The following SUSD6 variants were observed in gnomAD, a reference collection of about 807,000 sequenced individuals.
The protein encoded by SUSD6 is sushi domain containing 6.
In SUSD6, 16 loss-of-function variants were observed where a neutral mutation model predicts 28.4. The ratio of observed to expected loss-of-function variants is 0.56; its 90% confidence interval spans 0.38 to 0.86. The LOEUF (loss-of-function observed/expected upper bound fraction) is 0.86, where lower values mean the gene tolerates loss of function less well. Among genes scored for constraint, SUSD6 ranks in the 40% least tolerant of loss-of-function variants. The pLI is 0.00. For synonymous variants in SUSD6, 147 were observed against 159.6 expected (o/e 0.92, Z 0.59); for missense variants, 341 against 384.2 (o/e 0.89, Z 0.94).
rs57290539 is a variant in SUSD6 at position 69,677,546 on chromosome 14, CAAA to C, written c.121+18848_121+18850del. Among the ~76,000 whole-genome samples the C allele has an allele frequency of 6.2e-3, 713 of 114,456 alleles. 4 individuals carry two copies. The highest frequency in any genetic ancestry group is 0.02 in the African/African-American group (584 of 29,846). 75.1% of individuals were successfully genotyped at this position (114,456 alleles called of 152,430 possible). ...TGGGCCACAGAGTGAGACTCCGTCT[CAAA>C]AAAAAAAAAAAAAAGAAAAGTGTTT... On this transcript the variant is annotated intron_variant, in intron 2 of 5. Transcript: ENST00000342745.
At chr14:69,690,907 G>A (rs779150288) in intron 2 of SUSD6, among the ~76,000 whole-genome samples, 10 of 152,084 alleles carry the variant, frequency 6.6e-5, no homozygotes, top group Non-Finnish European at 1.2e-4. Context: ...TTCTCCCCCC[G>A]CACCAAAAAA....
chr14:69,685,337 A>G (rs1566603457), intron 2 of SUSD6, among the ~76,000 whole-genome samples: 1 of 152,226 alleles, frequency 6.6e-6, no homozygotes. Flanking sequence ...CCATTGTGCT[A>G]CTAATATTAT....
chr14:69,650,099 T>C (rs1471776799), intron 1 of SUSD6, among the ~76,000 whole-genome samples: 4 of 152,202 alleles, frequency 2.6e-5, no homozygotes, highest in Non-Finnish European at 5.9e-5. Context: ...TGGGAAAGAA[T>C]GTGGGAGGCT....
intron 4 of SUSD6, 106 bp from the exon 5 acceptor site, chr14:69,708,571 C>T: frequency 6.5e-6 from 6 of 921,010 alleles, no homozygotes; most frequent in Non-Finnish European, 9.8e-6. Flanking sequence ...TTGCCTGGCA[C>T]ATAGTAAGTG....
chr14:69,683,065 AGAGCTCTG>A (rs1013906033), intron 2 of SUSD6, among the ~76,000 whole-genome samples: 2 of 150,410 alleles, frequency 1.3e-5, no homozygotes, highest in African/African-American at 4.9e-5. Context: ...GTGCCCTTGA[AGAGCTCTG>A]GAGCCTGAAG....
chr14:69,713,285 C>T lies in SUSD6; in HGVS notation c.*2306C>T, dbSNP rs1020389117. On this transcript the variant is annotated 3_prime_UTR_variant, in exon 6 of 6. Coordinates refer to ENST00000342745, the MANE Select transcript of SUSD6 (RefSeq NM_014734.4). ...CTCTTTCCGCCCTGCCCTCCACTAA[C>T]AACACTGAGGAGCACAAGCCCAGGC... The T allele has an allele frequency of 6.6e-6, 1 of 152,264 alleles. No individual in the cohort carries two copies. The highest frequency in any genetic ancestry group is 2.4e-5 in the African/African-American group (1 of 41,442). 9.4% of individuals were successfully genotyped at this position (152,264 alleles called of 1,614,324 possible).
intron 2 of SUSD6, among the ~76,000 whole-genome samples, chr14:69,695,288 C>T (rs534956868): frequency 4.0e-4 from 61 of 152,240 alleles, no homozygotes; most frequent in African/African-American, 1.3e-3. Context: ...GCCTGTTTTC[C>T]GGCTCTCACC....
chr14:69,670,644 G>A lies in SUSD6; in HGVS notation c.121+11931G>A, dbSNP rs142174964. ...TTTAAGCAAGTTTCTCGAACTCTAC[G>A]TCCCTCAGTTCTTCATATCTGTAAA... On this transcript the variant is annotated intron_variant, in intron 2 of 5. Transcript: ENST00000342745. 1.3e-3 allele frequency: 537 copies of A among 418,316 alleles called. 5 individuals carry two copies. The highest frequency in any genetic ancestry group is 8.7e-3 in the East Asian group (120 of 13,774). The allele number at this position is 418,316 out of a possible 1,614,324, so 25.9% of individuals were successfully genotyped here. A position where few individuals can be genotyped will look rare whatever the true frequency, so the allele number is the denominator to read the frequency against.
chr14:69,632,795 C>T (rs544759602), intron 1 of SUSD6, among the ~76,000 whole-genome samples: 2 of 152,198 alleles, frequency 1.3e-5, no homozygotes, highest in South Asian at 2.1e-4. Context: ...ATAATGACAC[C>T]GTCTGGAAAT....
chr14:69,628,346 G>A (rs928991554), intron 1 of SUSD6, among the ~76,000 whole-genome samples: 1 of 152,214 alleles, frequency 6.6e-6, no homozygotes, highest in Admixed American at 6.5e-5. Flanking sequence ...CATAGAATTT[G>A]AAGGTTGCTG....
rs1275817 is a variant in SUSD6, at chr14:69,714,061, C to G, written c.*3082C>G. ...TTTCACTGGGTATGAACTGTGAAAT[C>G]GACTGAATCCTGGCCACTTTATGAG... On this transcript the variant is annotated 3_prime_UTR_variant, in exon 6 of 6. Coordinates refer to ENST00000342745, the MANE Select transcript of SUSD6 (RefSeq NM_014734.4). 139,188 of 152,174 alleles carry G rather than the reference C, an allele frequency of 0.91. 63,853 individuals are homozygous for G. The highest frequency in any genetic ancestry group is 0.98 in the African/African-American group (40,812 of 41,548). 9.4% of individuals were successfully genotyped at this position (152,174 alleles called of 1,614,324 possible).
intron 1 of SUSD6, among the ~76,000 whole-genome samples, chr14:69,625,119 TTCTG>T (rs1885096153): frequency 6.6e-6 from 1 of 152,194 alleles, no homozygotes; most frequent in African/African-American, 2.4e-5. Context: ...GTGTTAAATG[TTCTG>T]TCTGACTGTG....
chr14:69,658,823 G>A (rs1347144922), intron 2 of SUSD6, 110 bp downstream of exon 2: 6 of 1,421,364 alleles, frequency 4.2e-6, no homozygotes, highest in South Asian at 1.2e-5. Context: ...TTCAGGGAGA[G>A]CAGAGGGTGG....
chr14:69,640,501 ATTTTCT>A (rs1200010325), intron 1 of SUSD6, among the ~76,000 whole-genome samples: 4 of 151,836 alleles, frequency 2.6e-5, no homozygotes, highest in Non-Finnish European at 5.9e-5. Context: ...CACCTGGCTG[ATTTTCT>A]TTTTATTTTT....
chr14:69,675,603 G>A (rs1885896396), intron 2 of SUSD6, among the ~76,000 whole-genome samples: 1 of 152,040 alleles, frequency 6.6e-6, no homozygotes, highest in South Asian at 2.1e-4. Flanking sequence ...TGATGTCAGA[G>A]AAATAGCAGG....
At position 69,711,119 on chromosome 14, in the gene SUSD6, G is replaced by A. The variant is rs1288904080; in HGVS notation, c.*140G>A. 41 of 752,390 alleles carry A rather than the reference G, an allele frequency of 5.4e-5. No homozygotes were observed. The highest frequency in any genetic ancestry group is 2.3e-6 in the Non-Finnish European group (1 of 442,092). 46.6% of individuals were successfully genotyped at this position (752,390 alleles called of 1,614,324 possible). ...CCTGTGTATCTGTGTATCTCTGAGG[G>A]CCCTATAGGCCCACCTTGCTGGAAA... is the stretch of plus-strand genomic sequence containing the variant. On this transcript the variant is annotated 3_prime_UTR_variant, in exon 6 of 6. Coordinates refer to ENST00000342745, the MANE Select transcript of SUSD6 (RefSeq NM_014734.4).
intron 1 of SUSD6, among the ~76,000 whole-genome samples, chr14:69,654,339 G>A (rs1885547118): frequency 6.6e-6 from 1 of 152,194 alleles, no homozygotes; most frequent in African/African-American, 2.4e-5. Flanking sequence ...CACTGTCCCT[G>A]CCTTCAAGGA....
At chr14:69,644,902 G>A (rs1011315818) in intron 1 of SUSD6, among the ~76,000 whole-genome samples, 1 of 152,144 alleles carries the variant, frequency 6.6e-6, no homozygotes, top group Admixed American at 6.5e-5. Flanking sequence ...CTTGGCAGAG[G>A]GACTTTGTAC....
intron 2 of SUSD6, among the ~76,000 whole-genome samples, chr14:69,686,957 A>C (rs1232411037): frequency 2.0e-5 from 3 of 152,154 alleles, no homozygotes; most frequent in Non-Finnish European, 4.4e-5. Flanking sequence ...TTCTATTTAG[A>C]TACATTTAGC....
Sources: allele counts gnomAD v4.1 joint callset (sites outside exome capture counted in the v4.1 genomes callset), GRCh38; gene constraint gnomAD v4.1.1; transcripts MANE v1.5; gene names NCBI Gene and HGNC (gene_info 2026-07-23, HGNC 2026-07-21).